PKHD1: variants seen among roughly 807,000 people sequenced by gnomAD.
PKHD1 encodes the protein fibrocystin.
Under a neutral mutation model 412.0 loss-of-function variants are expected in PKHD1, and 291 were observed. The ratio of observed to expected loss-of-function variants is 0.71; its 90% CI spans 0.64 to 0.78. The LOEUF (loss-of-function observed/expected upper bound fraction) is 0.78. PKHD1 is among the 30% of genes least tolerant of loss of function. PKHD1 has a pLI of 0.00. For missense variants in PKHD1, 4,825 were observed against 4,950.7 expected (o/e 0.97, Z 0.76); for synonymous variants, 1,777 against 1,821.5 (o/e 0.98, Z 0.62).
chr6:52,013,832 T>G (rs1281831160), intron 34 of PKHD1, among the ~76,000 whole-genome samples: 2 of 152,214 alleles, frequency 1.3e-5, no homozygotes, highest in African/African-American at 4.8e-5. Flanking sequence ...GCTGTGCTCC[T>G]TAGGATAGGT....
chr6:52,051,536 C>T (rs1806847086), intron 21 of PKHD1, among the ~76,000 whole-genome samples: 1 of 152,158 alleles, frequency 6.6e-6, no homozygotes, highest in Admixed American at 6.5e-5. Flanking sequence ...CCCCCATCTT[C>T]CCTCTTGTCT....
At chr6:51,695,864 T>C (rs1176732548) in intron 60 of PKHD1, among the ~76,000 whole-genome samples, 1 of 152,176 alleles carries the variant, frequency 6.6e-6, no homozygotes, top group Non-Finnish European at 1.5e-5. Context: ...CCCTTTACTA[T>C]CTTGTGTCTG....
chr6:51,819,487 T>C (rs1766021545), intron 52 of PKHD1, among the ~76,000 whole-genome samples: 2 of 152,098 alleles, frequency 1.3e-5, no homozygotes, highest in Non-Finnish European at 2.9e-5. Context: ...TTTACTTCTA[T>C]GCCAGTCCAG....
intron 60 of PKHD1, among the ~76,000 whole-genome samples, chr6:51,709,078 C>T (rs74650026): frequency 0.023 from 3,554 of 152,264 alleles, 132 homozygotes; most frequent in African/African-American, 0.079. Flanking sequence ...CCCCCTACTA[C>T]GTGCTCCCTT....
chr6:51,800,851 T>C (rs1762802281), intron 52 of PKHD1, among the ~76,000 whole-genome samples: 1 of 152,172 alleles, frequency 6.6e-6, no homozygotes, highest in Non-Finnish European at 1.5e-5. Flanking sequence ...TGGACACAGC[T>C]CAGACTTCTG....
chr6:51,783,385 A>ATATTTACTATATTTATTTTATAT (rs1792339688), intron 53 of PKHD1, among the ~76,000 whole-genome samples: 1 of 40,624 alleles, frequency 2.5e-5, no homozygotes, highest in Non-Finnish European at 7.1e-5. Context: ...TTATTTTATA[A>ATATTTACTATATTTATTTTATAT]TATTTAAATA....
chr6:51,770,836 T>C (rs138815021), intron 55 of PKHD1, among the ~76,000 whole-genome samples: 2 of 152,214 alleles, frequency 1.3e-5, no homozygotes, highest in Admixed American at 6.6e-5. Context: ...TAAGCTATTA[T>C]ACACAGTTAC....
intron 52 of PKHD1, among the ~76,000 whole-genome samples, chr6:51,828,588 T>A (rs1767721142): frequency 6.6e-6 from 1 of 152,108 alleles, no homozygotes. Flanking sequence ...AAAGATTTAT[T>A]TCTGCTATTG....
intron 33 of PKHD1, among the ~76,000 whole-genome samples, chr6:52,019,601 C>T (rs1006713078): frequency 6.6e-6 from 1 of 152,152 alleles, no homozygotes; most frequent in Non-Finnish European, 1.5e-5. Context: ...TCACCCAGGG[C>T]TGGGGATCAA....
At chr6:51,801,097 T>C (rs1328521142) in intron 52 of PKHD1, among the ~76,000 whole-genome samples, 5 of 152,232 alleles carry the variant, frequency 3.3e-5, no homozygotes, top group African/African-American at 1.2e-4. Flanking sequence ...CCAAAGTGAC[T>C]GCTTTAAATA....
At chr6:51,727,601 G>T (rs1782736154) in intron 60 of PKHD1, among the ~76,000 whole-genome samples, 1 of 152,162 alleles carries the variant, frequency 6.6e-6, no homozygotes, top group African/African-American at 2.4e-5. Context: ...CACATATGCA[G>T]TGCCCTCCTT....
In PKHD1 at chr6:51,734,851, G is replaced by A. The variant is rs371493090; in HGVS notation, c.10156+9534C>T. Among the ~76,000 whole-genome samples the A allele has an allele frequency of 5.3e-5, 8 of 152,250 alleles. No individual in the cohort carries two copies. In the South Asian group the frequency reaches 8.3e-4, roughly 16 times the overall value. ...TAGGTATTATAAGTAATCGACACAC[G>A]ATTTAAAGTGTACAGGAGAATGTAT... On this transcript the variant is annotated intron_variant, in intron 60 of 66. Coordinates refer to ENST00000371117, the MANE Select transcript of PKHD1 (RefSeq NM_138694.4).
intron 52 of PKHD1, among the ~76,000 whole-genome samples, chr6:51,807,202 T>C (rs1045338336): frequency 4.0e-5 from 4 of 99,314 alleles, no homozygotes; most frequent in Non-Finnish European, 8.9e-5. Context: ...CCGAGGCAGG[T>C]TGATCACTGA....
chr6:52,086,016 TTA>T (rs1222774116), intron 1 of PKHD1, among the ~76,000 whole-genome samples: 1 of 148,734 alleles, frequency 6.7e-6, no homozygotes, highest in Non-Finnish European at 1.5e-5. Flanking sequence ...ATATATTTAA[TTA>T]TGTTTATGTT....
chr6:51,826,527 T>C (rs984987704), intron 52 of PKHD1, among the ~76,000 whole-genome samples: 1 of 152,220 alleles, frequency 6.6e-6, no homozygotes, highest in Non-Finnish European at 1.5e-5. Flanking sequence ...TCTTTTGCCA[T>C]TTGACCAGCT....
intron 27 of PKHD1, 89 bp downstream of exon 27, chr6:52,042,770 G>A: frequency 8.7e-7 from 1 of 1,151,120 alleles, no homozygotes; most frequent in Non-Finnish European, 1.3e-6. Context: ...AGTGAATATG[G>A]AATTCATTAC....
At chr6:51,748,716 T>C (rs768948389) in intron 57 of PKHD1, 51 bp from the exon 58 acceptor site, 2 of 1,529,622 alleles carry the variant, frequency 1.3e-6, no homozygotes, top group Non-Finnish European at 1.8e-6. Context: ...CACAAAAGGC[T>C]GAAGAATGGC....
At chr6:51,681,209 G>T (rs375343875) in intron 60 of PKHD1, among the ~76,000 whole-genome samples, 3 of 152,024 alleles carry the variant, frequency 2.0e-5, no homozygotes, top group African/African-American at 7.2e-5. Flanking sequence ...TGATAAAATG[G>T]CTCCCTTGCT....
intron 52 of PKHD1, among the ~76,000 whole-genome samples, chr6:51,819,761 G>T (rs542098795): frequency 5.8e-4 from 88 of 152,258 alleles, no homozygotes; most frequent in African/African-American, 1.7e-3. Flanking sequence ...CACACATTAT[G>T]CAAACAGCAG....
Sources: allele counts gnomAD v4.1 joint callset (sites outside exome capture counted in the v4.1 genomes callset), GRCh38; gene constraint gnomAD v4.1.1; transcripts MANE v1.5; gene names NCBI Gene and HGNC (gene_info 2026-07-23, HGNC 2026-07-21).